The following LOC128706665 variants were observed in gnomAD, a reference collection of about 807,000 sequenced individuals.
chr20:10,428,775 G>C, the LOC128706665 span, among the ~76,000 whole-genome samples: 1 of 152,110 alleles, frequency 6.6e-6, no homozygotes, highest in Non-Finnish European at 1.5e-5. Flanking sequence ...GGAGGCAGAG[G>C]TTACATTACA....
At chr20:10,424,250 T>C in the LOC128706665 span, among the ~76,000 whole-genome samples, 1 of 151,098 alleles carries the variant, frequency 6.6e-6, no homozygotes, top group Non-Finnish European at 1.5e-5. Flanking sequence ...AAAAAATATA[T>C]ATTAAATAAA....
the LOC128706665 span, among the ~76,000 whole-genome samples, chr20:10,419,439 A>G: frequency 6.6e-6 from 1 of 152,198 alleles, no homozygotes; most frequent in Non-Finnish European, 1.5e-5. Flanking sequence ...AAATTTCTGC[A>G]GTGAAACTCA....
the LOC128706665 span, among the ~76,000 whole-genome samples, chr20:10,415,794 C>T: frequency 1.4e-4 from 22 of 152,286 alleles, no homozygotes; most frequent in South Asian, 4.3e-3. Flanking sequence ...AACAGAATGC[C>T]ATGTTGGCAC....
chr20:10,419,117 G>C, the LOC128706665 span, among the ~76,000 whole-genome samples: 2 of 152,056 alleles, frequency 1.3e-5, no homozygotes, highest in Non-Finnish European at 2.9e-5. Context: ...TCAGACCAAG[G>C]CTTATAAATA....
chr20:10,430,799 T>G, the LOC128706665 span, among the ~76,000 whole-genome samples: 21 of 152,174 alleles, frequency 1.4e-4, no homozygotes, highest in African/African-American at 5.1e-4. Flanking sequence ...GGTGAAAAAT[T>G]TCATGTATGT....
the LOC128706665 span, among the ~76,000 whole-genome samples, chr20:10,416,938 G>C: frequency 7.0e-3 from 1,072 of 152,266 alleles, 6 homozygotes; most frequent in Admixed American, 0.013. Flanking sequence ...GACACTATAT[G>C]ATCTGCAAAG....
chr20:10,415,288 A>C, the LOC128706665 span, among the ~76,000 whole-genome samples: 1 of 152,078 alleles, frequency 6.6e-6, no homozygotes, highest in Non-Finnish European at 1.5e-5. Flanking sequence ...AAATGAAACA[A>C]ATCTATTTAG....
the LOC128706665 span, among the ~76,000 whole-genome samples, chr20:10,415,921 A>C: frequency 6.6e-6 from 1 of 152,220 alleles, no homozygotes; most frequent in Non-Finnish European, 1.5e-5. Flanking sequence ...TAAAGATGCC[A>C]AAACTTGTTG....
the LOC128706665 span, among the ~76,000 whole-genome samples, chr20:10,428,825 CAGAGCA>C: frequency 6.8e-6 from 1 of 146,086 alleles, no homozygotes; most frequent in Non-Finnish European, 1.5e-5. Flanking sequence ...GCCTAGGTGA[CAGAGCA>C]AGACTCCGTC....
At chr20:10,414,424 C>T in the LOC128706665 span, among the ~76,000 whole-genome samples, 1 of 152,064 alleles carries the variant, frequency 6.6e-6, no homozygotes, top group South Asian at 2.1e-4. Flanking sequence ...CGCCACCATG[C>T]CCAGCTAATT....
At chr20:10,425,194 G>A in the LOC128706665 span, among the ~76,000 whole-genome samples, 2 of 152,152 alleles carry the variant, frequency 1.3e-5, no homozygotes, top group Admixed American at 6.5e-5. Flanking sequence ...TAACAAAAAT[G>A]TGATCATGAT....
the LOC128706665 span, among the ~76,000 whole-genome samples, chr20:10,430,670 G>T: frequency 6.6e-6 from 1 of 152,188 alleles, no homozygotes; most frequent in African/African-American, 2.4e-5. Context: ...CTAGGGTAGT[G>T]AATCTGGTAA....
At chr20:10,419,152 T>C in the LOC128706665 span, among the ~76,000 whole-genome samples, 1 of 152,156 alleles carries the variant, frequency 6.6e-6, no homozygotes, top group African/African-American at 2.4e-5. Context: ...GAGGTTCTTC[T>C]TCCATAAAGA....
the LOC128706665 span, among the ~76,000 whole-genome samples, chr20:10,425,068 A>G: frequency 7.2e-6 from 1 of 138,356 alleles, no homozygotes; most frequent in Admixed American, 7.4e-5. Flanking sequence ...AAAAAAAAAG[A>G]AAGAAAGAAA....
chr20:10,427,621 T>C, the LOC128706665 span, among the ~76,000 whole-genome samples: 1 of 152,250 alleles, frequency 6.6e-6, no homozygotes, highest in Non-Finnish European at 1.5e-5. Flanking sequence ...AATTGTGGCA[T>C]TTTTTCTGTG....
the LOC128706665 span, among the ~76,000 whole-genome samples, chr20:10,429,130 T>C: frequency 1.3e-5 from 2 of 152,198 alleles, no homozygotes; most frequent in Non-Finnish European, 2.9e-5. Flanking sequence ...ATGCATCTTT[T>C]CCTAGTCACT....
At chr20:10,423,738 T>C in the LOC128706665 span, among the ~76,000 whole-genome samples, 2 of 152,226 alleles carry the variant, frequency 1.3e-5, no homozygotes, top group African/African-American at 4.8e-5. Flanking sequence ...AACAGTCTAT[T>C]ACTCTTTCCA....
chr20:10,423,324 G>A, the LOC128706665 span, among the ~76,000 whole-genome samples: 1 of 152,106 alleles, frequency 6.6e-6, no homozygotes, highest in Admixed American at 6.5e-5. Flanking sequence ...GGGGTGCTGA[G>A]GTAGGAGGAT....
chr20:10,417,383 G>C, the LOC128706665 span, among the ~76,000 whole-genome samples: 6 of 152,224 alleles, frequency 3.9e-5, no homozygotes, highest in African/African-American at 1.4e-4. Flanking sequence ...GGCCAAGGCA[G>C]GAGGATTGCT....
Sources: allele counts gnomAD v4.1 joint callset (sites outside exome capture counted in the v4.1 genomes callset), GRCh38; gene constraint gnomAD v4.1.1; transcripts MANE v1.5.